Variants in CEP70 observed in about 807,000 individuals in gnomAD.
The protein encoded by CEP70 is centrosomal protein 70, also known as centrosomal protein of 70 kDa.
Under a neutral mutation model 90.9 loss-of-function variants are expected in CEP70, and 70 were observed. That is an observed-to-expected ratio of 0.77 (90% CI 0.64 to 0.94). The LOEUF (loss-of-function observed/expected upper bound fraction) is 0.94. CEP70 is among the 40% of genes least tolerant of loss of function. CEP70 has a pLI of 0.00. For synonymous variants in CEP70, 220 were observed against 228.3 expected, an observed-to-expected ratio of 0.96 and a Z score of 0.33; for missense variants, 648 against 669.0, an observed-to-expected ratio of 0.97 and a Z score of 0.35.
chr3:138,494,721 C>A lies in CEP70; in HGVS notation c.*294G>T, dbSNP rs2033858147. On this transcript the variant is annotated 3_prime_UTR_variant, in exon 18 of 18. Coordinates refer to ENST00000264982, the MANE Select transcript of CEP70 (RefSeq NM_024491.4). ...ACTACTTGCAATCTGTCTCCCTGGGCTCCTCTTTTACTCACAAACTCCACT... is the reference window on the plus strand; with the variant it reads ...ACTACTTGCAATCTGTCTCCCTGGGATCCTCTTTTACTCACAAACTCCACT... The A allele has an allele frequency of 4.7e-6, 1 of 214,856 alleles. No individual in the cohort carries two copies. The highest frequency in any genetic ancestry group is 5.9e-5 in the Admixed American group (1 of 16,884). The allele number at this position is 214,856 out of a possible 1,614,324, so 13.3% of individuals were successfully genotyped here.
At chr3:138,516,556 T>G (rs930649664) in intron 11 of CEP70, among the ~76,000 whole-genome samples, 1 of 152,158 alleles carries the variant, frequency 6.6e-6, no homozygotes, top group African/African-American at 2.4e-5. Flanking sequence ...TGGCTAATTT[T>G]TAAATTCTTT....
At chr3:138,508,802 C>T (rs898044393) in intron 11 of CEP70, among the ~76,000 whole-genome samples, 7 of 151,508 alleles carry the variant, frequency 4.6e-5, no homozygotes, top group Non-Finnish European at 7.4e-5. Context: ...GGCGCAATCT[C>T]GGCTCACTGC....
intron 11 of CEP70, among the ~76,000 whole-genome samples, 172 bp from the exon 12 acceptor site, chr3:138,508,716 C>T (rs1295329424): frequency 6.6e-6 from 1 of 151,706 alleles, no homozygotes; most frequent in African/African-American, 2.4e-5. Context: ...TACATATATG[C>T]ATATATAGAG....
chr3:138,591,963 T>C lies in CEP70; in HGVS notation c.-108-7A>G. ...TCTGAAACTGGATCTTCATCTAGGT[T>C]TCAAAAAGATAAAAAGAACAAAATC... On this transcript the variant is annotated splice_polypyrimidine_tract_variant and splice_region_variant and intron_variant, in intron 1 of 17. Coordinates refer to ENST00000264982, the MANE Select transcript of CEP70 (RefSeq NM_024491.4). The C allele has an allele frequency of 1.1e-6, 1 of 906,170 alleles. No individual in the cohort carries two copies. 56.1% of individuals were successfully genotyped at this position (906,170 alleles called of 1,614,324 possible).
At chr3:138,564,182 G>A (rs1576852033) in intron 6 of CEP70, among the ~76,000 whole-genome samples, 1 of 152,272 alleles carries the variant, frequency 6.6e-6, no homozygotes, top group South Asian at 2.1e-4. Context: ...CCAATAACAA[G>A]TTCTGAAATT....
chr3:138,556,692 G>C (rs982537491), intron 6 of CEP70, among the ~76,000 whole-genome samples: 2 of 151,998 alleles, frequency 1.3e-5, no homozygotes, highest in African/African-American at 4.8e-5. Context: ...ACATCACGTC[G>C]GTAGGTTCCG....
chr3:138,542,063 T>C (rs889193354), intron 6 of CEP70, among the ~76,000 whole-genome samples: 3 of 152,212 alleles, frequency 2.0e-5, no homozygotes, highest in African/African-American at 7.2e-5. Flanking sequence ...GCACTCAGCT[T>C]GTGCTACCAG....
chr3:138,517,788 A>T (rs111787951), intron 11 of CEP70, among the ~76,000 whole-genome samples: 18,153 of 152,246 alleles, frequency 0.12, 2,222 homozygotes, highest in East Asian at 0.38. Flanking sequence ...CTGCATTTCC[A>T]ACTGAGGTAC....
intron 6 of CEP70, among the ~76,000 whole-genome samples, chr3:138,545,335 T>G (rs959185032): frequency 6.6e-6 from 1 of 152,212 alleles, no homozygotes; most frequent in Non-Finnish European, 1.5e-5. Flanking sequence ...GAACATAAAT[T>G]GTGAAGATTT....
intron 6 of CEP70, among the ~76,000 whole-genome samples, chr3:138,538,104 T>C (rs1275985525): frequency 6.6e-6 from 1 of 152,160 alleles, no homozygotes. Flanking sequence ...ACTTCCCCAC[T>C]ATCTTGGGTT....
intron 10 of CEP70, among the ~76,000 whole-genome samples, chr3:138,527,972 C>T (rs1439484343): frequency 6.8e-6 from 1 of 147,484 alleles, no homozygotes; most frequent in Non-Finnish European, 1.5e-5. Context: ...ATGCAGTGTA[C>T]TGTACATCAA....
chr3:138,541,319 G>A lies in CEP70; in HGVS notation c.466-3972C>T, dbSNP rs552697537. On this transcript the variant is annotated intron_variant, in intron 6 of 17. Transcript: ENST00000264982. ...AAAGAAGAAAACAAAATATAAAGGA[G>A]CTCTGATTTATCTGGCAATAGAATC... 7.2e-5 allele frequency among the ~76,000 whole-genome samples: 11 copies of A among 151,858 alleles called. No individual in the cohort carries two copies. The South Asian group carries it at 2.1e-3, about 29-fold the overall frequency.
intron 7 of CEP70, among the ~76,000 whole-genome samples, chr3:138,532,845 T>C (rs541100749): frequency 2.0e-5 from 3 of 152,304 alleles, no homozygotes; most frequent in African/African-American, 7.2e-5. Flanking sequence ...CCTCTAGCAA[T>C]ATCTCCCACA....
chr3:138,566,985 G>A (rs943287083), intron 6 of CEP70, among the ~76,000 whole-genome samples: 3 of 152,072 alleles, frequency 2.0e-5, no homozygotes, highest in Non-Finnish European at 4.4e-5. Flanking sequence ...TCCATCAACA[G>A]ATGAATGGAT....
chr3:138,594,233 C>G lies in CEP70; in HGVS notation c.-144G>C, dbSNP rs1397816249. 1 of 152,482 alleles carries G rather than the reference C, an allele frequency of 6.6e-6. No homozygotes were observed. The highest frequency in any genetic ancestry group is 6.5e-5 in the Admixed American group (1 of 15,290). The allele number at this position is 152,482 out of a possible 1,614,324, so 9.4% of individuals were successfully genotyped here. Reference sequence around the variant, plus strand: ...CGCCGGCCTCCCACCAGCAGCCAGCCGGGCCAGGTTAGGCTGGGATCAGCT... The same window carrying G: ...CGCCGGCCTCCCACCAGCAGCCAGCGGGGCCAGGTTAGGCTGGGATCAGCT... On this transcript the variant is annotated 5_prime_UTR_variant, in exon 1 of 18. Coordinates refer to ENST00000264982, the MANE Select transcript of CEP70 (RefSeq NM_024491.4).
In CEP70 at chr3:138,542,151, G is replaced by C. The variant is rs1440304097; in HGVS notation, c.466-4804C>G. On this transcript the variant is annotated intron_variant, in intron 6 of 17. Transcript: ENST00000264982. ...TGTGAGTTAGCAAATGTGGGGTCTG[G>C]CTATGTGCACAGCCAGGCACACTGG... is the stretch of plus-strand genomic sequence containing the variant. Among the ~76,000 whole-genome samples, 7 of 152,180 alleles carry C rather than the reference G, an allele frequency of 4.6e-5. 1 individual carries two copies. Among genetic ancestry groups the C allele is most frequent in the Admixed American group, 4.6e-4 (7 of 15,278 alleles).
chr3:138,532,682 G>T (rs900372603), intron 7 of CEP70, 112 bp from the exon 8 acceptor site: 1 of 986,652 alleles, frequency 1.0e-6, no homozygotes, highest in Non-Finnish European at 1.3e-6. Context: ...AGATTATCTG[G>T]CAGGCTTTAA....
chr3:138,545,822 A>C (rs2039150182), intron 6 of CEP70, among the ~76,000 whole-genome samples: 1 of 152,216 alleles, frequency 6.6e-6, no homozygotes, highest in Non-Finnish European at 1.5e-5. Flanking sequence ...CAGTACCCTC[A>C]GGCTTACTAG....
chr3:138,545,209 G>C (rs778580779), intron 6 of CEP70, among the ~76,000 whole-genome samples: 1 of 152,124 alleles, frequency 6.6e-6, no homozygotes, highest in African/African-American at 2.4e-5. Flanking sequence ...CCCAAATGGT[G>C]GGACCAACTG....
Sources: gnomAD v4.1 joint callset for allele counts (sites outside exome capture counted in the v4.1 genomes callset) on GRCh38, gnomAD v4.1.1 for gene constraint, MANE v1.5 for transcripts, NCBI Gene and HGNC (gene_info 2026-07-23, HGNC 2026-07-21) for gene names.